PDZD2: variants seen among roughly 807,000 people sequenced by gnomAD.
PDZD2 encodes the protein PDZ domain containing 2, also known as PDZ domain-containing protein 2.
Under a neutral mutation model 220.7 loss-of-function variants are expected in PDZD2, and 90 were observed. The ratio of observed to expected loss-of-function variants is 0.41; its 90% CI spans 0.34 to 0.49. The LOEUF is 0.49. PDZD2 is among the 20% of genes least tolerant of loss of function. PDZD2 has a pLI of 0.28. For synonymous variants in PDZD2, 1,375 were observed against 1,450.5 expected, an observed-to-expected ratio of 0.95 and a Z score of 1.18; for missense variants, 3,174 against 3,608.5, an observed-to-expected ratio of 0.88 and a Z score of 3.08.
At chr5:31,964,768 G>T (rs1303138143) in intron 2 of PDZD2, among the ~76,000 whole-genome samples, 3 of 152,076 alleles carry the variant, frequency 2.0e-5, no homozygotes, top group Admixed American at 6.5e-5. Flanking sequence ...CAGGCTGGAG[G>T]GCAGCGGCGC....
intron 3 of PDZD2, among the ~76,000 whole-genome samples, chr5:31,988,582 T>C (rs1390026666): frequency 1.3e-5 from 2 of 152,112 alleles, no homozygotes; most frequent in African/African-American, 4.8e-5. Flanking sequence ...TGATCATTTG[T>C]TAACTCAAAA....
chr5:32,028,012 G>C (rs534267433), intron 6 of PDZD2, among the ~76,000 whole-genome samples: 1 of 152,266 alleles, frequency 6.6e-6, no homozygotes, highest in East Asian at 1.9e-4. Context: ...GGGATTTGGA[G>C]CTTAGATGTC....
chr5:31,991,570 T>A (rs1008325605), intron 3 of PDZD2, among the ~76,000 whole-genome samples: 1 of 152,146 alleles, frequency 6.6e-6, no homozygotes, highest in Non-Finnish European at 1.5e-5. Flanking sequence ...AAGGTGTATA[T>A]CAGATACCCA....
chr5:31,926,081 G>A (rs1180156647), intron 2 of PDZD2, among the ~76,000 whole-genome samples: 1 of 151,966 alleles, frequency 6.6e-6, no homozygotes, highest in Non-Finnish European at 1.5e-5. Flanking sequence ...AATTAGCCAG[G>A]CATAGTGGCA....
At chr5:31,702,967 T>C (rs1747665940) in intron 1 of PDZD2, among the ~76,000 whole-genome samples, 1 of 152,226 alleles carries the variant, frequency 6.6e-6, no homozygotes, top group African/African-American at 2.4e-5. Flanking sequence ...GGAGAGGGCC[T>C]GACTGAGGAT....
At chr5:31,996,005 T>C (rs1245934364) in intron 4 of PDZD2, among the ~76,000 whole-genome samples, 3 of 152,188 alleles carry the variant, frequency 2.0e-5, no homozygotes, top group Non-Finnish European at 4.4e-5. Flanking sequence ...TTACGTATCC[T>C]AACTTGCTGA....
intron 1 of PDZD2, among the ~76,000 whole-genome samples, chr5:31,647,108 C>T (rs995667710): frequency 3.3e-5 from 5 of 152,166 alleles, no homozygotes; most frequent in African/African-American, 4.8e-5. Flanking sequence ...GCACACTTCC[C>T]GCCTTCTGAT....
At chr5:31,797,294 C>T (rs1426063077) in intron 1 of PDZD2, among the ~76,000 whole-genome samples, 2 of 151,298 alleles carry the variant, frequency 1.3e-5, no homozygotes, top group Non-Finnish European at 2.9e-5. Context: ...TGACTAACAT[C>T]CTGAATCACA....
intron 2 of PDZD2, among the ~76,000 whole-genome samples, chr5:31,868,666 T>C (rs996875366): frequency 3.9e-5 from 6 of 152,146 alleles, no homozygotes; most frequent in Non-Finnish European, 5.9e-5. Flanking sequence ...TTGTTCTGGG[T>C]TTGCTGCTGC....
intron 1 of PDZD2, among the ~76,000 whole-genome samples, chr5:31,731,800 G>C (rs1749551090): frequency 6.6e-6 from 1 of 152,114 alleles, no homozygotes; most frequent in South Asian, 2.1e-4. Context: ...ACACTGTTTT[G>C]TTACTATGAA....
At chr5:31,900,099 G>A (rs1741940696) in intron 2 of PDZD2, among the ~76,000 whole-genome samples, 1 of 152,234 alleles carries the variant, frequency 6.6e-6, no homozygotes, top group Non-Finnish European at 1.5e-5. Flanking sequence ...CACAGCAAAT[G>A]ACGTAGTGAA....
chr5:31,881,374 AT>A lies in PDZD2; in HGVS notation c.476+81664del, dbSNP rs397884700. On this transcript the variant is annotated intron_variant, in intron 2 of 24. Coordinates refer to ENST00000438447, the MANE Select transcript of PDZD2 (RefSeq NM_178140.4). ...TGTGTGTGTGTGTGTGTGTGTATAT[AT>A]TTTTTTTTTTTTTGAGATGGAGTTT... 3.7e-3 allele frequency among the ~76,000 whole-genome samples: 366 copies of A among 100,234 alleles called. 3 individuals carry two copies. Among genetic ancestry groups the A allele is most frequent in the African/African-American group, 0.011 (252 of 23,922 alleles). 65.8% of individuals were successfully genotyped at this position (100,234 alleles called of 152,430 possible).
chr5:31,651,992 G>GTT (rs770006909), intron 1 of PDZD2, among the ~76,000 whole-genome samples: 1,176 of 29,378 alleles, frequency 0.04, 7 homozygotes, highest in Middle Eastern at 0.13. Flanking sequence ...GCTAATTTTT[G>GTT]TATTTTTTTT....
rs566772097 is a variant in PDZD2, at chr5:31,640,577, G to C, written c.-361+1140G>C. On this transcript the variant is annotated intron_variant, in intron 1 of 24. Coordinates refer to ENST00000438447, the MANE Select transcript of PDZD2 (RefSeq NM_178140.4). ...CAGAGAGACCCCCTGGACCTTCAGG[G>C]CCTGTTCTCCAGTGGGGTCTCTGAA... Among the ~76,000 whole-genome samples, 7 of 152,310 alleles carry C rather than the reference G, an allele frequency of 4.6e-5. No homozygotes were observed. In the East Asian group the frequency reaches 1.3e-3, roughly 29 times the overall value.
At chr5:31,676,276 C>G (rs1198837272) in intron 1 of PDZD2, among the ~76,000 whole-genome samples, 5 of 152,164 alleles carry the variant, frequency 3.3e-5, no homozygotes, top group African/African-American at 4.8e-5. Context: ...AGTATGATCC[C>G]TGTATTTCAA....
intron 2 of PDZD2, among the ~76,000 whole-genome samples, chr5:31,854,395 C>T (rs961881852): frequency 1.3e-5 from 2 of 152,172 alleles, no homozygotes; most frequent in African/African-American, 4.8e-5. Context: ...GTCGTGCAGT[C>T]ACCGGCGATT....
chr5:32,030,237 T>G (rs984970790), intron 6 of PDZD2, among the ~76,000 whole-genome samples: 2 of 152,160 alleles, frequency 1.3e-5, no homozygotes, highest in African/African-American at 4.8e-5. Flanking sequence ...AAGCTTCATC[T>G]CTCCTTCCAC....
intron 1 of PDZD2, among the ~76,000 whole-genome samples, chr5:31,654,044 A>T (rs2150108286): frequency 6.6e-6 from 1 of 152,264 alleles, no homozygotes; most frequent in South Asian, 2.1e-4. Context: ...TTGGCCTCCC[A>T]AAGTGCTGGG....
intron 6 of PDZD2, among the ~76,000 whole-genome samples, chr5:32,026,887 TTTTTTTGTTG>T (rs1173144873): frequency 1.6e-4 from 24 of 152,262 alleles, no homozygotes; most frequent in African/African-American, 5.5e-4. Context: ...TGTTGTTTCC[TTTTTTTGTTG>T]TTTTTGTTTT....
Sources: gnomAD v4.1 joint callset for allele counts (sites outside exome capture counted in the v4.1 genomes callset) on GRCh38, gnomAD v4.1.1 for gene constraint, MANE v1.5 for transcripts, NCBI Gene and HGNC (gene_info 2026-07-23, HGNC 2026-07-21) for gene names.